PALMD: variants seen among roughly 807,000 people sequenced by gnomAD.
PALMD encodes the protein palmdelphin, also known as paralemmin-like protein.
A neutral mutation model predicts 56.2 loss-of-function variants in PALMD; 42 were observed. That is an observed-to-expected ratio of 0.75 (90% CI 0.58 to 0.97). PALMD has a LOEUF of 0.97. Among genes scored for constraint, PALMD ranks in the 50% least tolerant of loss-of-function variants. The probability of loss-of-function intolerance (pLI) is 0.00; values close to 1 mark genes in which losing one functional copy is unlikely to be tolerated. For missense variants in PALMD, 660 were observed against 643.8 expected (o/e 1.03, Z -0.27); for synonymous variants, 242 against 222.9 (o/e 1.09, Z -0.76).
intron 1 of PALMD, among the ~76,000 whole-genome samples, chr1:99,653,869 T>G (rs1652652464): frequency 6.6e-6 from 1 of 152,110 alleles, no homozygotes; most frequent in African/African-American, 2.4e-5. Context: ...ACAGTTTTGT[T>G]TTCTGGATTT....
intron 3 of PALMD, among the ~76,000 whole-genome samples, chr1:99,670,781 C>A (rs766193129): frequency 4.6e-5 from 7 of 152,082 alleles, no homozygotes; most frequent in Non-Finnish European, 7.4e-5. Flanking sequence ...TATGCCTTGT[C>A]TGTATTAAGC....
intron 7 of PALMD, 113 bp from the exon 8 acceptor site, chr1:99,693,906 G>T: frequency 2.8e-6 from 2 of 708,792 alleles, no homozygotes; most frequent in Non-Finnish European, 5.0e-6. Context: ...TCACACTGTT[G>T]GATAAAACCA....
intron 3 of PALMD, chr1:99,685,057 T>C (rs1162108809): frequency 6.6e-6 from 1 of 152,232 alleles, no homozygotes; most frequent in East Asian, 1.9e-4. Context: ...AAGAAAGACA[T>C]ACAGTATGTT....
intron 3 of PALMD, among the ~76,000 whole-genome samples, chr1:99,678,112 A>T (rs1392790442): frequency 1.2e-4 from 16 of 137,420 alleles, no homozygotes; most frequent in South Asian, 2.4e-4. Flanking sequence ...GTCCTTTTCT[A>T]TTTTTTTTTT....
intron 1 of PALMD, among the ~76,000 whole-genome samples, chr1:99,658,202 G>A (rs141493237): frequency 7.2e-4 from 109 of 151,512 alleles, no homozygotes; most frequent in Admixed American, 4.6e-4. Context: ...TACTTGGGAG[G>A]CTTAGGCACA....
At chr1:99,653,061 G>A (rs568596399) in intron 1 of PALMD, among the ~76,000 whole-genome samples, 1 of 152,150 alleles carries the variant, frequency 6.6e-6, no homozygotes, top group South Asian at 2.1e-4. Context: ...CCTTTACGTA[G>A]CCTCTTCCCT....
intron 3 of PALMD, among the ~76,000 whole-genome samples, chr1:99,676,997 C>T (rs1289225915): frequency 6.6e-6 from 1 of 151,970 alleles, no homozygotes; most frequent in Admixed American, 6.6e-5. Context: ...TCAATAATAG[C>T]CATTGAATTT....
chr1:99,689,133 T>A lies in PALMD; in HGVS notation c.873T>A (p.Thr291=). 1 of 1,613,530 alleles carries A rather than the reference T, an allele frequency of 6.2e-7. No individual in the cohort carries two copies. The highest frequency in any genetic ancestry group is 8.5e-7 in the Non-Finnish European group (1 of 1,179,792). ...PNFQERIKIK[T]NGLGIGVNES... ...TTCAAGAAAGGATAAAGATTAAAAC[T>A]AATGGACTGGGTATTGGTGTAAATG... The change falls in exon 7 of 8, where the codon ACT becomes ACA. Residue 291 remains threonine, a synonymous_variant. Coordinates refer to ENST00000263174, the MANE Select transcript of PALMD (RefSeq NM_017734.5).
In PALMD at chr1:99,649,545, G is replaced by C. The variant is rs115466538; in HGVS notation, c.45+3183G>C. Among the ~76,000 whole-genome samples the C allele has an allele frequency of 8.9e-3, 1,351 of 152,270 alleles. 19 individuals carry two copies. Among genetic ancestry groups the C allele is most frequent in the African/African-American group, 0.03 (1,235 of 41,554 alleles). ...ACAGAGTTATCCCTACAGAGTTACT[G>C]TCTGAAAGTGAACGTGGCCCACACT... On this transcript the variant is annotated intron_variant, in intron 1 of 7. Transcript: ENST00000263174.
chr1:99,658,345 TA>T (rs918955234), intron 1 of PALMD, among the ~76,000 whole-genome samples: 173 of 151,364 alleles, frequency 1.1e-3, no homozygotes, highest in Non-Finnish European at 1.6e-3. Flanking sequence ...TTACATGTAA[TA>T]ACTTTATTTC....
intron 3 of PALMD, among the ~76,000 whole-genome samples, chr1:99,673,398 A>T (rs1653127021): frequency 6.6e-6 from 1 of 152,024 alleles, no homozygotes; most frequent in South Asian, 2.1e-4. Context: ...TACATTCTAG[A>T]TGTTTCTGCC....
intron 3 of PALMD, among the ~76,000 whole-genome samples, chr1:99,675,851 C>T (rs1053771177): frequency 5.3e-5 from 8 of 152,188 alleles, no homozygotes; most frequent in East Asian, 1.9e-4. Context: ...TCTCTTCTAA[C>T]GTTGCATGCC....
chr1:99,652,429 C>A (rs1478012283), intron 1 of PALMD, among the ~76,000 whole-genome samples: 1 of 151,968 alleles, frequency 6.6e-6, no homozygotes, highest in East Asian at 1.9e-4. Context: ...CATGGTGAAA[C>A]CCTGTCTCTA....
At chr1:99,653,365 T>C (rs12089480) in intron 1 of PALMD, among the ~76,000 whole-genome samples, 3 of 152,152 alleles carry the variant, frequency 2.0e-5, no homozygotes, top group Admixed American at 2.0e-4. Context: ...GGTTTGGTTT[T>C]GTTTTGTCAC....
At chr1:99,684,955 G>T (rs1280850489) in intron 3 of PALMD, 1 of 152,196 alleles carries the variant, frequency 6.6e-6, no homozygotes, top group Non-Finnish European at 1.5e-5. Context: ...GCAATGATTT[G>T]AACCTTCTTG....
rs771872492 is a variant in PALMD at position 99,689,385 on chromosome 1, AT to A, written c.1128del (p.Phe376LeufsTer32). 5.6e-6 allele frequency: 9 copies of A among 1,613,790 alleles called. No individual in the cohort carries two copies. In the South Asian group the frequency reaches 7.7e-5, roughly 14 times the overall value. Reference sequence around the variant, plus strand: ...CAAGGCTGAGCCCCAGAGAGACAATATTTGGGAAATCTGAACACCAGAATTC... The same window carrying A: ...CAAGGCTGAGCCCCAGAGAGACAATATTGGGAAATCTGAACACCAGAATTC... ...KPRLSPRETI[F>X]GKSEHQNSSP... On this transcript the variant is annotated frameshift_variant, in exon 7 of 8. Transcript: ENST00000263174. LOFTEE classifies it high-confidence loss of function.
intron 3 of PALMD, among the ~76,000 whole-genome samples, chr1:99,677,326 T>C (rs1314079755): frequency 1.3e-5 from 2 of 152,130 alleles, no homozygotes; most frequent in Non-Finnish European, 2.9e-5. Flanking sequence ...AGTCAGCATA[T>C]GGGTTTTGTC....
chr1:99,655,060 T>G (rs939008577), intron 1 of PALMD, among the ~76,000 whole-genome samples: 3 of 152,164 alleles, frequency 2.0e-5, no homozygotes, highest in African/African-American at 7.2e-5. Flanking sequence ...TTAGAGAAAC[T>G]ATACAGATAA....
intron 3 of PALMD, among the ~76,000 whole-genome samples, chr1:99,672,443 C>A (rs1367779497): frequency 1.3e-5 from 2 of 152,182 alleles, no homozygotes; most frequent in Non-Finnish European, 2.9e-5. Flanking sequence ...ATTTTTCAGT[C>A]CAAATATCCA....
Sources: gnomAD v4.1 joint callset for allele counts (sites outside exome capture counted in the v4.1 genomes callset) on GRCh38, gnomAD v4.1.1 for gene constraint, MANE v1.5 for transcripts, NCBI Gene and HGNC (gene_info 2026-07-23, HGNC 2026-07-21) for gene names.